ADCY7: variants seen among roughly 807,000 people sequenced by gnomAD.
The protein encoded by ADCY7 is adenylate cyclase 7.
ADCY7 carries 72 observed loss-of-function variants against 120.6 expected under a neutral mutation model. That is an observed-to-expected ratio of 0.60 (90% confidence interval 0.49 to 0.73). The LOEUF is 0.73. Ranked by LOEUF, ADCY7 falls within the 30% of genes least tolerant of loss-of-function variation. ADCY7 has a pLI of 0.00. For missense variants in ADCY7, 1,227 were observed against 1,486.0 expected (o/e 0.83, Z 2.87); for synonymous variants, 661 against 628.0 (o/e 1.05, Z -0.78).
At position 50,313,844 on chromosome 16, in the gene ADCY7, T is replaced by G. The variant is rs561426605; in HGVS notation, c.2752-114T>G. ...GCTGGCAGGGCAGCCATGAGACGTG[T>G]GTGCGAGAGGCGGCGATGGGTGGAG... On this transcript the variant is annotated intron_variant, in intron 22 of 25. Transcript: ENST00000673801. 1,013 of 785,624 alleles carry G rather than the reference T, an allele frequency of 1.3e-3. 10 individuals are homozygous for G. The highest frequency in any genetic ancestry group is 8.8e-5 in the Non-Finnish European group (41 of 464,676). 48.7% of individuals were successfully genotyped at this position (785,624 alleles called of 1,614,324 possible). A position where few individuals can be genotyped will look rare whatever the true frequency, so the allele number is the denominator to read the frequency against.
intron 6 of ADCY7, among the ~76,000 whole-genome samples, 196 bp from the exon 7 acceptor site, chr16:50,294,444 C>T (rs966605766): frequency 5.3e-5 from 8 of 152,306 alleles, no homozygotes; most frequent in African/African-American, 1.7e-4. Flanking sequence ...TCTGCTTTAA[C>T]GTGAAGCCCC....
upstream of ADCY7, among the ~76,000 whole-genome samples, chr16:50,264,844 T>TC (rs1279572262): frequency 6.7e-6 from 1 of 148,498 alleles, no homozygotes; most frequent in Non-Finnish European, 1.5e-5. Flanking sequence ...TTTTTTTTTT[T>TC]TTTTTTTTCT....
chr16:50,264,980 G>A (rs1332568192), upstream of ADCY7, among the ~76,000 whole-genome samples: 1 of 151,952 alleles, frequency 6.6e-6, no homozygotes, highest in Non-Finnish European at 1.5e-5. Flanking sequence ...GGGATTACAG[G>A]CTCATGCCAC....
rs146699753 is a variant in ADCY7 at position 50,315,364 on chromosome 16, C to G, written c.3102C>G (p.Thr1034=). The change falls in exon 26 of 26, where the codon ACC becomes ACG. Residue 1034 remains threonine (T), a synonymous_variant. Coordinates refer to ENST00000673801, the MANE Select transcript of ADCY7 (RefSeq NM_001114.5). ...STGELGKIQV[T]EETCTILQGL... is the part of the protein sequence containing the mutation. ...AGGTCTCTCTTCCTTTTCAGGTTAC[C>G]GAGGAGACCTGCACCATCCTCCAGG... The G allele has an allele frequency of 6.2e-7, 1 of 1,605,502 alleles. No homozygotes were observed. The highest frequency in any genetic ancestry group is 1.1e-5 in the South Asian group (1 of 90,926).
intron 1 of ADCY7, among the ~76,000 whole-genome samples, chr16:50,282,136 T>G (rs1010441850): frequency 1.3e-5 from 2 of 152,206 alleles, no homozygotes; most frequent in Non-Finnish European, 2.9e-5. Flanking sequence ...CTGAGCCTGC[T>G]GAGGCTCGGC....
Position 50,313,969 on chromosome 16 carries a change from G to A in ADCY7, c.2763G>A (p.Lys921=), listed in dbSNP as rs1407274289. 3 of 1,613,644 alleles carry A rather than the reference G, an allele frequency of 1.9e-6. No individual in the cohort carries two copies. The Admixed American group carries it at 5.0e-5, about 27-fold the overall frequency. ...IIADFDELLL[K]PKFSGVEKIK... is the part of the protein sequence containing the mutation. ...CTTCTTGCCTGCAGCTCCTACTGAA[G>A]CCCAAGTTCAGCGGCGTGGAGAAGA... The change falls in exon 23 of 26, where the codon AAG becomes AAA. Residue 921 remains lysine, a synonymous_variant. Coordinates refer to ENST00000673801, the MANE Select transcript of ADCY7 (RefSeq NM_001114.5).
chr16:50,305,083 C>G, intron 12 of ADCY7, 124 bp downstream of exon 12: 1 of 1,288,536 alleles, frequency 7.8e-7, no homozygotes, highest in Non-Finnish European at 1.1e-6. Context: ...GTGAAGTTGG[C>G]CAGGGCTTGG....
Position 50,301,149 on chromosome 16 carries a change from G to T in ADCY7, c.1303G>T (p.Gly435Trp). 1 of 1,613,526 alleles carries T rather than the reference G, an allele frequency of 6.2e-7. No homozygotes were observed. The highest frequency in any genetic ancestry group is 8.5e-7 in the Non-Finnish European group (1 of 1,179,730). The change falls in exon 10 of 26, where the codon GGG becomes TGG. Residue 435 changes from glycine (G) to tryptophan (W), a missense_variant. Gly to Trp is a radical substitution (Grantham distance 184). Around this residue, in one of 5 missense-constraint regions of ADCY7, gnomAD observed 332 missense variants for 455.8 expected, o/e 0.73. Transcript: ENST00000673801. ...DKAYEVEDGH[G>W]QQRDPYLKEM... is the part of the protein sequence containing the mutation. Reference sequence around the variant, plus strand: ...GGCGTACGAGGTGGAGGATGGGCACGGGCAGCAGCGGGACCCCTACCTCAA... The same window carrying T: ...GGCGTACGAGGTGGAGGATGGGCACTGGCAGCAGCGGGACCCCTACCTCAA...
intron 1 of ADCY7, among the ~76,000 whole-genome samples, chr16:50,252,192 G>T (rs1052136000): frequency 6.6e-6 from 1 of 152,222 alleles, no homozygotes; most frequent in Admixed American, 6.5e-5. Flanking sequence ...CGAGCCTCTG[G>T]TTCTTCCTAT....
At chr16:50,280,463 C>G (rs919149708) in intron 1 of ADCY7, among the ~76,000 whole-genome samples, 2 of 149,192 alleles carry the variant, frequency 1.3e-5, no homozygotes, top group Non-Finnish European at 3.0e-5. Flanking sequence ...TGATTTTTGT[C>G]ATTTCTTGTC....
upstream of ADCY7, among the ~76,000 whole-genome samples, chr16:50,245,884 C>T (rs1022066168): frequency 4.0e-5 from 6 of 151,250 alleles, no homozygotes; most frequent in Non-Finnish European, 7.4e-5. Flanking sequence ...GCCTTTCCTT[C>T]CTGCGGCGCC....
chr16:50,301,312 G>A, intron 10 of ADCY7, 98 bp downstream of exon 10: 1 of 1,439,022 alleles, frequency 6.9e-7, no homozygotes, highest in Non-Finnish European at 9.2e-7. Flanking sequence ...CCCATGTGGA[G>A]GGAGAGGTGG....
Position 50,308,354 on chromosome 16 carries a change from G to A in ADCY7, c.1878G>A (p.Gly626=). 1 of 1,614,180 alleles carries A rather than the reference G, an allele frequency of 6.2e-7. No individual in the cohort carries two copies. Among genetic ancestry groups the A allele is most frequent in the South Asian group, 1.1e-5 (1 of 91,078 alleles). Residue 626 remains glycine, a synonymous_variant, in exon 16 of 26, where the codon GGG becomes GGA. Transcript: ENST00000673801. The part of the protein sequence containing the change: ...PRTAALGVSF[G]LVACVLGLVL... ...CGGCGGCACTGGGTGTGTCCTTCGG[G>A]CTGGTGGCCTGTGTACTGGGGCTGG...
intron 1 of ADCY7, among the ~76,000 whole-genome samples, chr16:50,277,042 T>A (rs1360548523): frequency 1.3e-5 from 2 of 152,130 alleles, no homozygotes; most frequent in East Asian, 3.9e-4. Flanking sequence ...AATCAAGAGT[T>A]TTGGTTTTTC....
chr16:50,264,101 C>T (rs1384492708), upstream of ADCY7, among the ~76,000 whole-genome samples: 1 of 152,202 alleles, frequency 6.6e-6, no homozygotes, highest in African/African-American at 2.4e-5. Context: ...CTCCTCAGCC[C>T]CCAGAAGTTT....
rs370902524 is a variant in ADCY7, at chr16:50,294,235, A to G, written c.837-405A>G. 3.7e-4 allele frequency among the ~76,000 whole-genome samples: 57 copies of G among 152,250 alleles called. No homozygotes were observed. In the South Asian group the frequency reaches 0.011, roughly 30 times the overall value. On this transcript the variant is annotated intron_variant, in intron 6 of 25. Coordinates refer to ENST00000673801, the MANE Select transcript of ADCY7 (RefSeq NM_001114.5). ...GGCTGTGTGAGGACTCGATGCCTGTAAAGTGCTGGGTGTGGAGGTTGGCTT... is the reference window on the plus strand; with the variant it reads ...GGCTGTGTGAGGACTCGATGCCTGTGAAGTGCTGGGTGTGGAGGTTGGCTT...
intron 18 of ADCY7, among the ~76,000 whole-genome samples, chr16:50,310,242 G>A (rs1377558183): frequency 1.3e-5 from 2 of 152,158 alleles, no homozygotes; most frequent in Non-Finnish European, 2.9e-5. Context: ...ACTGGGAGAT[G>A]GAGCCGGGGG....
rs142923752 is a variant in ADCY7, at chr16:50,299,594, C to A, written c.1076+563C>A. Among the ~76,000 whole-genome samples, 1,313 of 152,312 alleles carry A rather than the reference C, an allele frequency of 8.6e-3. 65 individuals are homozygous for A. Among genetic ancestry groups the A allele is most frequent in the Admixed American group, 0.073 (1,123 of 15,304 alleles). On this transcript the variant is annotated intron_variant, in intron 8 of 25. Transcript: ENST00000673801. ...GACCAGTGTGGGGCAGAGCAGGGCC[C>A]GGTGGGGCTGCCCGTCCTGGATATC...
intron 16 of ADCY7, 82 bp from the exon 17 acceptor site, chr16:50,308,585 A>T: frequency 6.4e-7 from 1 of 1,557,558 alleles, no homozygotes; most frequent in Non-Finnish European, 8.7e-7. Context: ...TCTCCCGAGG[A>T]TACCCCTCCC....
Sources: allele counts gnomAD v4.1 joint callset (sites outside exome capture counted in the v4.1 genomes callset), GRCh38; gene constraint gnomAD v4.1.1; regional missense constraint gnomAD v4.1.1; transcripts MANE v1.5; gene names NCBI Gene and HGNC (gene_info 2026-07-23, HGNC 2026-07-21).